The following RBFOX1 variants were observed in gnomAD, a reference collection of about 807,000 sequenced individuals.
RBFOX1 encodes the protein RNA binding protein fox-1 homolog 1.
In RBFOX1, 8 loss-of-function variants were observed where a neutral mutation model predicts 57.7. That is an observed-to-expected ratio of 0.14 (90% CI 0.08 to 0.25). RBFOX1 has a LOEUF of 0.25. Ranked by LOEUF, RBFOX1 falls within the 10% of genes least tolerant of loss-of-function variation. The pLI is 1.00. For synonymous variants in RBFOX1, 326 were observed against 222.4 expected (o/e 1.47, Z -4.15); for missense variants, 611 against 548.5 (o/e 1.11, Z -1.14).
chr16:7,076,295 G>A (rs1300311779), intron 4 of RBFOX1, among the ~76,000 whole-genome samples: 1 of 151,916 alleles, frequency 6.6e-6, no homozygotes, highest in Non-Finnish European at 1.5e-5. Context: ...GCCTCTCAAA[G>A]TGCTGGGATT....
chr16:7,376,380 C>G (rs2097686322), intron 4 of RBFOX1, among the ~76,000 whole-genome samples: 1 of 152,174 alleles, frequency 6.6e-6, no homozygotes, highest in African/African-American at 2.4e-5. Context: ...GCAGCATCGC[C>G]TTTGAGGTGA....
At chr16:7,581,511 C>G (rs958919302) in intron 6 of RBFOX1, among the ~76,000 whole-genome samples, 1 of 152,164 alleles carries the variant, frequency 6.6e-6, no homozygotes, top group African/African-American at 2.4e-5. Context: ...CGTCCTGACA[C>G]TCTTTCATGG....
intron 2 of RBFOX1, among the ~76,000 whole-genome samples, chr16:5,483,403 C>G (rs1421285911): frequency 6.6e-6 from 1 of 152,214 alleles, no homozygotes; most frequent in East Asian, 1.9e-4. Flanking sequence ...TACTGCTTGA[C>G]TAATCCCATG....
chr16:6,557,190 A>G (rs2097116998), intron 2 of RBFOX1, among the ~76,000 whole-genome samples: 1 of 148,958 alleles, frequency 6.7e-6, no homozygotes. Flanking sequence ...TATATATAAT[A>G]AAAAAGTGGG....
intron 1 of RBFOX1, among the ~76,000 whole-genome samples, chr16:6,020,673 C>T (rs1001836781): frequency 1.3e-5 from 2 of 151,646 alleles, no homozygotes; most frequent in African/African-American, 2.4e-5. Flanking sequence ...GGTAGCAGAT[C>T]TTAGCCCTGT....
At chr16:5,412,938 C>A (rs144207180) in intron 1 of RBFOX1, among the ~76,000 whole-genome samples, 1 of 152,188 alleles carries the variant, frequency 6.6e-6, no homozygotes, top group African/African-American at 2.4e-5. Context: ...ATGAGCGTTA[C>A]GGTTGAAACA....
At chr16:6,800,613 A>T (rs925270561) in intron 3 of RBFOX1, among the ~76,000 whole-genome samples, 3 of 152,114 alleles carry the variant, frequency 2.0e-5, no homozygotes, top group Non-Finnish European at 2.9e-5. Context: ...CAAATTCAGG[A>T]TACCAACATT....
chr16:6,001,241 T>C (rs1596378398), intron 4 of RBFOX1, among the ~76,000 whole-genome samples: 1 of 152,144 alleles, frequency 6.6e-6, no homozygotes, highest in African/African-American at 2.4e-5. Flanking sequence ...AGTGGCTGAG[T>C]TGGTCCTGGA....
chr16:5,724,279 A>T (rs925603730), intron 3 of RBFOX1, among the ~76,000 whole-genome samples: 3 of 152,216 alleles, frequency 2.0e-5, no homozygotes, highest in Admixed American at 6.5e-5. Flanking sequence ...AGAGAGGCTG[A>T]GCCAGGGCCC....
chr16:6,143,369 G>A (rs964955654), intron 1 of RBFOX1, among the ~76,000 whole-genome samples: 6 of 152,326 alleles, frequency 3.9e-5, no homozygotes, highest in African/African-American at 1.4e-4. Flanking sequence ...TGACCATTAT[G>A]TTCATAAGTC....
chr16:7,616,034 G>A (rs2058384417), intron 10 of RBFOX1, among the ~76,000 whole-genome samples: 1 of 152,168 alleles, frequency 6.6e-6, no homozygotes, highest in East Asian at 1.9e-4. Flanking sequence ...CATCTTTGGA[G>A]CATTGTATTG....
chr16:5,816,224 A>G (rs565056396), intron 3 of RBFOX1, among the ~76,000 whole-genome samples: 89 of 152,190 alleles, frequency 5.8e-4, no homozygotes, highest in Non-Finnish European at 1.1e-3. Flanking sequence ...CTGGGATTTC[A>G]GAAGCAGGCG....
chr16:6,613,921 G>C (rs1347375536), intron 2 of RBFOX1, among the ~76,000 whole-genome samples: 1 of 152,198 alleles, frequency 6.6e-6, no homozygotes, highest in South Asian at 2.1e-4. Context: ...CTGGGCGACA[G>C]AGTGTGACTC....
At chr16:7,289,265 A>G (rs1753797346) in intron 4 of RBFOX1, among the ~76,000 whole-genome samples, 1 of 152,228 alleles carries the variant, frequency 6.6e-6, no homozygotes, top group Non-Finnish European at 1.5e-5. Context: ...CCTTAGAAAG[A>G]TTAAAGAGAT....
At chr16:6,085,708 G>C (rs1367506857) in intron 1 of RBFOX1, among the ~76,000 whole-genome samples, 1 of 152,080 alleles carries the variant, frequency 6.6e-6, no homozygotes, top group Admixed American at 6.5e-5. Flanking sequence ...GCACGTAAGG[G>C]GATGATGCAG....
At chr16:6,142,443 G>C (rs184360722) in intron 1 of RBFOX1, among the ~76,000 whole-genome samples, 283 of 151,934 alleles carry the variant, frequency 1.9e-3, no homozygotes, top group Admixed American at 4.4e-3. Flanking sequence ...GGATGGTCTC[G>C]ATCTCCTGAC....
intron 11 of RBFOX1, among the ~76,000 whole-genome samples, chr16:7,648,589 G>C (rs2064246589): frequency 6.6e-6 from 1 of 152,158 alleles, no homozygotes; most frequent in Admixed American, 6.5e-5. Context: ...GAAGAGTTTG[G>C]AATTATCAAG....
At chr16:5,385,031 A>G (rs1245888545) in intron 1 of RBFOX1, among the ~76,000 whole-genome samples, 2 of 152,208 alleles carry the variant, frequency 1.3e-5, no homozygotes, top group East Asian at 1.9e-4. Flanking sequence ...ATAGGTCGTA[A>G]TGGGTGTTAA....
At chr16:7,551,971 T>C (rs1416160645) in intron 5 of RBFOX1, among the ~76,000 whole-genome samples, 1 of 152,198 alleles carries the variant, frequency 6.6e-6, no homozygotes, top group East Asian at 1.9e-4. Context: ...AAATAGCATG[T>C]GCAAAGGCCG....
Sources: gnomAD v4.1 joint callset for allele counts (sites outside exome capture counted in the v4.1 genomes callset) on GRCh38, gnomAD v4.1.1 for gene constraint, MANE v1.5 for transcripts, NCBI Gene and HGNC (gene_info 2026-07-23, HGNC 2026-07-21) for gene names.